The following CAST variants were observed in gnomAD, a reference collection of about 807,000 sequenced individuals.
CAST encodes the protein MIR583 host.
Under a neutral mutation model 119.6 loss-of-function variants are expected in CAST, and 76 were observed. The observed-to-expected ratio is 0.64, with a 90% CI of 0.53 to 0.77. The LOEUF (loss-of-function observed/expected upper bound fraction) is 0.77. CAST is among the 30% of genes least tolerant of loss of function. The probability of loss-of-function intolerance (pLI) is 0.00; values close to 1 mark genes in which losing one functional copy is unlikely to be tolerated. For synonymous variants in CAST, 319 were observed against 331.6 expected (o/e 0.96, Z 0.41); for missense variants, 953 against 946.5 (o/e 1.01, Z -0.09).
intron 1 of CAST, among the ~76,000 whole-genome samples, chr5:96,615,782 G>T (rs1285537310): frequency 1.3e-5 from 2 of 152,208 alleles, no homozygotes; most frequent in African/African-American, 4.8e-5. Context: ...TAGGGCAAGT[G>T]TAAATGTTCT....
At chr5:96,161,581 C>T in the CAST span, among the ~76,000 whole-genome samples, 183 of 152,190 alleles carry the variant, frequency 1.2e-3, 1 homozygote, top group Middle Eastern at 0.027. Flanking sequence ...CTACTTTGTT[C>T]TTTTTCAAGA....
At chr5:96,407,421 T>C in the CAST span, among the ~76,000 whole-genome samples, 1 of 152,132 alleles carries the variant, frequency 6.6e-6, no homozygotes, top group African/African-American at 2.4e-5. Context: ...ACATAGCAAA[T>C]ATTTTAAAAG....
At chr5:95,977,534 G>C in the CAST span, among the ~76,000 whole-genome samples, 5 of 152,214 alleles carry the variant, frequency 3.3e-5, no homozygotes, top group Non-Finnish European at 7.3e-5. Context: ...GAAAACAGAA[G>C]TTATTTGAAA....
At chr5:96,486,897 A>G in the CAST span, among the ~76,000 whole-genome samples, 1 of 152,344 alleles carries the variant, frequency 6.6e-6, no homozygotes, top group East Asian at 1.9e-4. Flanking sequence ...AAAGAAAGAG[A>G]AGCACAAGGC....
intron 1 of CAST, among the ~76,000 whole-genome samples, chr5:96,612,484 C>T (rs1028941845): frequency 2.0e-5 from 3 of 152,276 alleles, no homozygotes; most frequent in Non-Finnish European, 1.5e-5. Flanking sequence ...GTACTATGTT[C>T]ACTCTCTGGG....
At chr5:96,396,952 G>T in the CAST span, among the ~76,000 whole-genome samples, 1 of 152,328 alleles carries the variant, frequency 6.6e-6, no homozygotes, top group South Asian at 2.1e-4. Context: ...ATGCCTTTAA[G>T]ATGTGACTCT....
At chr5:96,044,706 T>C in the CAST span, among the ~76,000 whole-genome samples, 1 of 152,126 alleles carries the variant, frequency 6.6e-6, no homozygotes, top group African/African-American at 2.4e-5. Flanking sequence ...GGGAACTACT[T>C]ACCCAAGTGT....
At chr5:96,287,077 C>T in the CAST span, among the ~76,000 whole-genome samples, 4 of 152,026 alleles carry the variant, frequency 2.6e-5, no homozygotes, top group African/African-American at 9.7e-5. Context: ...TGGTCCATCC[C>T]ATTTCCGTTT....
chr5:96,706,736 A>G (rs1417839209), intron 3 of CAST, among the ~76,000 whole-genome samples: 3 of 151,966 alleles, frequency 2.0e-5, no homozygotes, highest in Non-Finnish European at 4.4e-5. Context: ...CCCCTGAGAC[A>G]CTCCAGTTTC....
chr5:96,524,910 T>G (rs1193018344), upstream of CAST, among the ~76,000 whole-genome samples: 1 of 152,240 alleles, frequency 6.6e-6, no homozygotes, highest in East Asian at 1.9e-4. Flanking sequence ...GGTATTAACC[T>G]TGTGAAATGT....
chr5:96,655,701 T>G (rs1748149434), intron 1 of CAST, among the ~76,000 whole-genome samples: 1 of 152,256 alleles, frequency 6.6e-6, no homozygotes, highest in Non-Finnish European at 1.5e-5. Flanking sequence ...TTTTTCAAAC[T>G]GTGGGCACAA....
chr5:96,388,349 T>A, the CAST span, among the ~76,000 whole-genome samples: 1 of 152,236 alleles, frequency 6.6e-6, no homozygotes, highest in African/African-American at 2.4e-5. Flanking sequence ...CTGGGCTTGG[T>A]TCCAGAATGT....
the CAST span, among the ~76,000 whole-genome samples, chr5:96,178,542 C>G: frequency 6.6e-6 from 1 of 152,144 alleles, no homozygotes; most frequent in Non-Finnish European, 1.5e-5. Flanking sequence ...GCCTTTCCTT[C>G]TTTGTTCCAT....
the CAST span, among the ~76,000 whole-genome samples, chr5:96,501,773 A>G: frequency 6.6e-6 from 1 of 152,260 alleles, no homozygotes; most frequent in Non-Finnish European, 1.5e-5. Context: ...ATAACAGTTC[A>G]GTCAAGGACA....
chr5:96,393,596 T>A, the CAST span, among the ~76,000 whole-genome samples: 3 of 152,118 alleles, frequency 2.0e-5, no homozygotes, highest in South Asian at 6.2e-4. Flanking sequence ...TCCCTCAACT[T>A]CACCTGTCAG....
At chr5:96,723,842 C>A (rs1758749487) in intron 4 of CAST, among the ~76,000 whole-genome samples, 1 of 152,188 alleles carries the variant, frequency 6.6e-6, no homozygotes, top group East Asian at 1.9e-4. Flanking sequence ...AAATTACCAA[C>A]CTACTTTTGT....
At chr5:96,323,808 G>A in the CAST span, among the ~76,000 whole-genome samples, 3 of 152,180 alleles carry the variant, frequency 2.0e-5, no homozygotes, top group Non-Finnish European at 4.4e-5. Flanking sequence ...GAAACCAGGG[G>A]CCCTGAAGAG....
chr5:96,409,227 C>G, the CAST span, among the ~76,000 whole-genome samples: 6 of 152,122 alleles, frequency 3.9e-5, no homozygotes, highest in Non-Finnish European at 7.4e-5. Flanking sequence ...TAACAAGACA[C>G]CCACCCAGGC....
chr5:96,183,588 T>C, the CAST span, among the ~76,000 whole-genome samples: 4 of 152,194 alleles, frequency 2.6e-5, no homozygotes, highest in Admixed American at 6.5e-5. Context: ...GATTTTTTTT[T>C]CCACATATTT....
Sources: allele counts gnomAD v4.1 joint callset (sites outside exome capture counted in the v4.1 genomes callset), GRCh38; gene constraint gnomAD v4.1.1; transcripts MANE v1.5; gene names NCBI Gene and HGNC (gene_info 2026-07-23, HGNC 2026-07-21).